The following ATF6 variants were observed in gnomAD, a reference collection of about 807,000 sequenced individuals.
ATF6 encodes activating transcription factor 6, also known as cyclic AMP-dependent transcription factor ATF-6 alpha.
A neutral mutation model predicts 83.6 loss-of-function variants in ATF6; 53 were observed. The observed-to-expected ratio is 0.63, with a 90% CI of 0.51 to 0.80. ATF6 has a LOEUF of 0.80. Ranked by LOEUF, ATF6 falls within the 30% of genes least tolerant of loss-of-function variation. The pLI is 0.00. For missense variants in ATF6, 744 were observed against 797.9 expected (o/e 0.93, Z 0.81); for synonymous variants, 288 against 285.8 (o/e 1.01, Z -0.08).
chr1:161,877,221 G>A (rs764791022), intron 14 of ATF6, among the ~76,000 whole-genome samples: 3 of 152,086 alleles, frequency 2.0e-5, no homozygotes, highest in Non-Finnish European at 4.4e-5. Flanking sequence ...TATGCAAGGA[G>A]CATGGGTTCC....
chr1:161,811,447 C>A (rs1450535592), intron 7 of ATF6, among the ~76,000 whole-genome samples: 1 of 152,190 alleles, frequency 6.6e-6, no homozygotes, highest in South Asian at 2.1e-4. Flanking sequence ...TTATAACTTC[C>A]CAGTGTGTAT....
At chr1:161,867,407 G>A (rs1687031014) in intron 14 of ATF6, among the ~76,000 whole-genome samples, 2 of 152,134 alleles carry the variant, frequency 1.3e-5, no homozygotes, top group African/African-American at 4.8e-5. Context: ...ACTCAGGAAA[G>A]CTCAAATAAA....
At chr1:161,848,717 T>C (rs763013193) in intron 10 of ATF6, among the ~76,000 whole-genome samples, 1 of 152,178 alleles carries the variant, frequency 6.6e-6, no homozygotes, top group Middle Eastern at 3.2e-3. Context: ...AGAATTCTCA[T>C]TAACTCTAGC....
At chr1:161,949,122 T>G (rs1490877642) in intron 15 of ATF6, among the ~76,000 whole-genome samples, 1 of 152,232 alleles carries the variant, frequency 6.6e-6, no homozygotes, top group East Asian at 1.9e-4. Flanking sequence ...ATGCTAATTC[T>G]TGCTTAGCTC....
At position 161,784,071 on chromosome 1, in the gene ATF6, C is replaced by T; in HGVS notation, c.329C>T (p.Ser110Phe). ...GTCTCGTCTCCTCGGTCAGTGGACT[C>T]TTATTCTTCAACTCAGCATGTTCCT... ...YSVSSPRSVD[S>F]YSSTQHVPEE... The change falls in exon 4 of 16, where the codon TCT (serine) becomes TTT (phenylalanine). Residue 110 changes from serine to phenylalanine, a missense_variant. By Grantham distance (155) the Ser-to-Phe change is radical (BLOSUM62 -2). Transcript: ENST00000367942. 1 of 1,613,206 alleles carries T rather than the reference C, an allele frequency of 6.2e-7. No individual in the cohort carries two copies. Among genetic ancestry groups the T allele is most frequent in the Non-Finnish European group, 8.5e-7 (1 of 1,179,286 alleles).
intron 14 of ATF6, chr1:161,891,049 A>T (rs1687544435): frequency 6.6e-6 from 1 of 152,200 alleles, no homozygotes; most frequent in Non-Finnish European, 1.5e-5. Flanking sequence ...TTTCCTCAGA[A>T]GGTCTTGGAG....
At chr1:161,916,525 TAAAAAAA>T (rs1157869233) in intron 15 of ATF6, among the ~76,000 whole-genome samples, 1 of 152,062 alleles carries the variant, frequency 6.6e-6, no homozygotes, top group Non-Finnish European at 1.5e-5. Context: ...ATGATGATAC[TAAAAAAA>T]ATTTAACATT....
At chr1:161,825,100 G>A (rs528310993) in intron 9 of ATF6, among the ~76,000 whole-genome samples, 24 of 152,070 alleles carry the variant, frequency 1.6e-4, no homozygotes, top group African/African-American at 5.3e-4. Context: ...TATTGAGACA[G>A]GGTCTTGCTC....
Position 161,959,534 on chromosome 1 carries a change from G to A in ATF6, c.*880G>A, listed in dbSNP as rs1689047306. ...AAATACAAAAAATTAGCCGGGCGTA[G>A]TGACGGGCGCCTGTAGTCCCAGCTA... On this transcript the variant is annotated 3_prime_UTR_variant, in exon 16 of 16. Coordinates refer to ENST00000367942, the MANE Select transcript of ATF6 (RefSeq NM_007348.4). 6.6e-6 allele frequency: 1 copy of A among 152,032 alleles called. No homozygotes were observed. Among genetic ancestry groups the A allele is most frequent in the Non-Finnish European group, 1.5e-5 (1 of 67,982 alleles). The allele number at this position is 152,032 out of a possible 1,614,324, so 9.4% of individuals were successfully genotyped here.
At chr1:161,936,159 G>A (rs1461126892) in intron 15 of ATF6, among the ~76,000 whole-genome samples, 1 of 152,206 alleles carries the variant, frequency 6.6e-6, no homozygotes, top group African/African-American at 2.4e-5. Context: ...GTGTTAATTA[G>A]CAGGTGAGAA....
At chr1:161,879,380 C>A (rs1221819277) in intron 14 of ATF6, among the ~76,000 whole-genome samples, 2 of 152,090 alleles carry the variant, frequency 1.3e-5, no homozygotes, top group African/African-American at 4.8e-5. Flanking sequence ...AAAGTCAAAT[C>A]TCTGCAACAG....
chr1:161,882,056 A>C (rs2101859209), intron 14 of ATF6, among the ~76,000 whole-genome samples: 1 of 152,232 alleles, frequency 6.6e-6, no homozygotes, highest in Admixed American at 6.6e-5. Context: ...GGAAGAATTA[A>C]AGCAAAGCCA....
intron 14 of ATF6, among the ~76,000 whole-genome samples, chr1:161,893,235 C>T (rs768961002): frequency 4.6e-5 from 7 of 151,862 alleles, no homozygotes; most frequent in African/African-American, 1.2e-4. Context: ...GGTGCGATCT[C>T]GACTCACTGC....
intron 14 of ATF6, among the ~76,000 whole-genome samples, chr1:161,890,211 T>C (rs1225529444): frequency 6.6e-6 from 1 of 152,222 alleles, no homozygotes; most frequent in Non-Finnish European, 1.5e-5. Flanking sequence ...ATTTTGTTAA[T>C]TGTCCCCAAA....
At chr1:161,926,574 A>G (rs7554023) in intron 15 of ATF6, among the ~76,000 whole-genome samples, 18,001 of 152,138 alleles carry the variant, frequency 0.12, 1,439 homozygotes, top group Middle Eastern at 0.2. Flanking sequence ...CTGTCTTTTA[A>G]ACTTAATCTT....
At chr1:161,919,434 GTTCAT>G (rs1688159687) in intron 15 of ATF6, among the ~76,000 whole-genome samples, 1 of 152,094 alleles carries the variant, frequency 6.6e-6, no homozygotes, top group Non-Finnish European at 1.5e-5. Context: ...TGGTAAAACT[GTTCAT>G]TTCCTTTCTT....
chr1:161,872,623 G>A (rs920187275), intron 14 of ATF6, among the ~76,000 whole-genome samples: 1 of 151,504 alleles, frequency 6.6e-6, no homozygotes, highest in Non-Finnish European at 1.5e-5. Context: ...GAAGAGTTCA[G>A]AAAACGAGGC....
chr1:161,941,871 A>G (rs557969795), intron 15 of ATF6, among the ~76,000 whole-genome samples: 23 of 152,124 alleles, frequency 1.5e-4, no homozygotes, highest in Non-Finnish European at 3.4e-4. Context: ...CCACTGTGTG[A>G]TAGAGATCTG....
chr1:161,798,543 C>T (rs1223255357), intron 6 of ATF6, among the ~76,000 whole-genome samples: 3 of 152,102 alleles, frequency 2.0e-5, no homozygotes, highest in Non-Finnish European at 2.9e-5. Context: ...ACCCAGGAGG[C>T]GGCAGGTGCA....
Sources: allele counts gnomAD v4.1 joint callset (sites outside exome capture counted in the v4.1 genomes callset), GRCh38; gene constraint gnomAD v4.1.1; transcripts MANE v1.5; gene names NCBI Gene and HGNC (gene_info 2026-07-23, HGNC 2026-07-21).